Variants in TMEM232 observed in about 807,000 individuals in gnomAD.
TMEM232 encodes the protein transmembrane protein 232.
In TMEM232, 80 loss-of-function variants were observed where a neutral mutation model predicts 78.8. The ratio of observed to expected loss-of-function variants is 1.01; its 90% CI spans 0.85 to 1.22. The LOEUF is 1.22. TMEM232 is among the 50% of genes most tolerant of loss of function. The pLI, the probability that TMEM232 is intolerant of heterozygous loss-of-function variation, is 0.00. For missense variants in TMEM232, 881 were observed against 742.2 expected (o/e 1.19, Z -2.17); for synonymous variants, 297 against 254.3 (o/e 1.17, Z -1.60).
At chr5:110,566,881 C>G (rs1776404568) in intron 11 of TMEM232, among the ~76,000 whole-genome samples, 1 of 151,878 alleles carries the variant, frequency 6.6e-6, no homozygotes, top group South Asian at 2.1e-4. Flanking sequence ...ATACCCAAGA[C>G]TGGGTAATTT....
chr5:110,524,367 GAAA>G (rs1294583502), intron 12 of TMEM232, among the ~76,000 whole-genome samples: 8 of 51,624 alleles, frequency 1.5e-4, no homozygotes, highest in Non-Finnish European at 2.8e-4. Context: ...AAGAAAAAAA[GAAA>G]GAAAGAAAGA....
intron 12 of TMEM232, among the ~76,000 whole-genome samples, chr5:110,455,522 C>T (rs1047238522): frequency 4.6e-5 from 7 of 151,918 alleles, no homozygotes; most frequent in Non-Finnish European, 5.9e-5. Flanking sequence ...GGACTACAGG[C>T]GCCCGCCACC....
chr5:110,680,651 A>G (rs1361425109), intron 1 of TMEM232, among the ~76,000 whole-genome samples: 8 of 152,152 alleles, frequency 5.3e-5, no homozygotes, highest in Non-Finnish European at 7.4e-5. Flanking sequence ...AAAAGAAGCT[A>G]CATTAAAATT....
At chr5:110,651,049 T>C (rs1213401806) in intron 2 of TMEM232, among the ~76,000 whole-genome samples, 1 of 152,176 alleles carries the variant, frequency 6.6e-6, no homozygotes, top group African/African-American at 2.4e-5. Context: ...ACCAGTCATT[T>C]TCTAATTTAT....
At chr5:110,583,709 TG>T (rs896800015) in intron 10 of TMEM232, among the ~76,000 whole-genome samples, 12 of 151,550 alleles carry the variant, frequency 7.9e-5, no homozygotes, top group African/African-American at 2.9e-4. Flanking sequence ...TCTTACAGAA[TG>T]GGGGGATTAT....
At chr5:110,631,120 C>G (rs1179541563) in intron 5 of TMEM232, among the ~76,000 whole-genome samples, 1 of 152,132 alleles carries the variant, frequency 6.6e-6, no homozygotes, top group Non-Finnish European at 1.5e-5. Context: ...GTCTACCCAG[C>G]AGCCTACAGT....
At chr5:110,535,090 T>C (rs2149554098) in intron 11 of TMEM232, among the ~76,000 whole-genome samples, 1 of 152,250 alleles carries the variant, frequency 6.6e-6, no homozygotes, top group East Asian at 1.9e-4. Flanking sequence ...CTATTTCGTT[T>C]TTTCTTATTA....
chr5:110,532,890 T>C (rs888369299), intron 11 of TMEM232, among the ~76,000 whole-genome samples: 4 of 152,228 alleles, frequency 2.6e-5, no homozygotes, highest in African/African-American at 9.6e-5. Flanking sequence ...TGCTACAGCA[T>C]GGCCTTTTAA....
At chr5:110,572,000 G>A (rs969363319) in intron 10 of TMEM232, among the ~76,000 whole-genome samples, 1 of 151,994 alleles carries the variant, frequency 6.6e-6, no homozygotes, top group Non-Finnish European at 1.5e-5. Flanking sequence ...ATGGGCAGCA[G>A]GAGATTGGCA....
chr5:110,630,035 A>G (rs1226365401), intron 5 of TMEM232, among the ~76,000 whole-genome samples: 1 of 152,176 alleles, frequency 6.6e-6, no homozygotes, highest in African/African-American at 2.4e-5. Context: ...TTAATAAAGC[A>G]TTCTGTCAAA....
At chr5:110,722,870 CAG>C (rs967700212) in intron 1 of TMEM232, among the ~76,000 whole-genome samples, 8 of 152,286 alleles carry the variant, frequency 5.3e-5, no homozygotes, top group Non-Finnish European at 7.4e-5. Context: ...GAAGTAGACA[CAG>C]AGTTAATTCT....
chr5:110,591,523 C>T (rs1404721437), intron 10 of TMEM232, among the ~76,000 whole-genome samples: 1 of 152,126 alleles, frequency 6.6e-6, no homozygotes, highest in Non-Finnish European at 1.5e-5. Flanking sequence ...TAATATTAAA[C>T]TACATTAACC....
intron 8 of TMEM232, among the ~76,000 whole-genome samples, chr5:110,609,991 G>GAAT (rs1781986846): frequency 6.6e-6 from 1 of 151,800 alleles, no homozygotes; most frequent in African/African-American, 2.4e-5. Context: ...TAAAGCCCAG[G>GAAT]AATAATAAAC....
At chr5:110,439,914 T>C (rs1758844228) in intron 12 of TMEM232, among the ~76,000 whole-genome samples, 1 of 152,098 alleles carries the variant, frequency 6.6e-6, no homozygotes, top group Non-Finnish European at 1.5e-5. Flanking sequence ...AACCTATAAA[T>C]TAGGATCAAC....
intron 1 of TMEM232, among the ~76,000 whole-genome samples, chr5:110,701,390 T>C (rs1296313613): frequency 6.6e-6 from 1 of 151,856 alleles, no homozygotes; most frequent in Non-Finnish European, 1.5e-5. Context: ...AAACCAACAA[T>C]CAAAGATTTC....
chr5:110,602,351 G>C (rs1781018198), intron 10 of TMEM232, among the ~76,000 whole-genome samples: 1 of 152,032 alleles, frequency 6.6e-6, no homozygotes. Flanking sequence ...TCATCAGAGT[G>C]AACAGGCAAC....
In TMEM232 at chr5:110,639,507, T is replaced by C. The variant is rs139984075; in HGVS notation, c.344-1152A>G. Among the ~76,000 whole-genome samples the C allele has an allele frequency of 4.9e-3, 748 of 152,268 alleles. 2 individuals are homozygous for C. The highest frequency in any genetic ancestry group is 7.7e-3 in the Non-Finnish European group (522 of 68,006). The stretch of plus-strand genomic sequence containing the variant: ...ATTTCTTTCATCTTCTAGTTCCCTC[T>C]CATGTGCATGAGGACTGTGATGACT... On this transcript the variant is annotated intron_variant, in intron 4 of 13. Coordinates refer to ENST00000455884, the MANE Select transcript of TMEM232 (RefSeq NM_001039763.4).
At chr5:110,440,491 A>T (rs989654486) in intron 12 of TMEM232, among the ~76,000 whole-genome samples, 1 of 152,148 alleles carries the variant, frequency 6.6e-6, no homozygotes, top group Admixed American at 6.6e-5. Context: ...ATTTGAAATG[A>T]TATTTCAAAT....
At position 110,650,624 on chromosome 5, in the gene TMEM232, C is replaced by G. The variant is rs183315059; in HGVS notation, c.126-8253G>C. ...CATCAGAAAAATTCCAACAGGAGAA[C>G]ATTCTACAAAATGCCTGACTAGTAC... On this transcript the variant is annotated intron_variant, in intron 2 of 13. Coordinates refer to ENST00000455884, the MANE Select transcript of TMEM232 (RefSeq NM_001039763.4). Among the ~76,000 whole-genome samples, 157 of 152,214 alleles carry G rather than the reference C, an allele frequency of 1.0e-3. 1 individual carries two copies. The highest frequency in any genetic ancestry group is 3.6e-3 in the African/African-American group (151 of 41,544).
Sources: allele counts gnomAD v4.1 joint callset (sites outside exome capture counted in the v4.1 genomes callset), GRCh38; gene constraint gnomAD v4.1.1; transcripts MANE v1.5; gene names NCBI Gene and HGNC (gene_info 2026-07-23, HGNC 2026-07-21).